Variants in RNF213 observed in about 807,000 individuals in gnomAD.
RNF213 encodes the protein E3 ubiquitin-protein ligase RNF213.
In RNF213, 341 loss-of-function variants were observed where a neutral mutation model predicts 514.4. The observed-to-expected ratio is 0.66, with a 90% CI of 0.61 to 0.73. The LOEUF (loss-of-function observed/expected upper bound fraction) is 0.73, where lower values mean the gene tolerates loss of function less well. RNF213 is among the 30% of genes least tolerant of loss of function. RNF213 has a pLI of 0.00. For synonymous variants in RNF213, 2,655 were observed against 2,658.2 expected, an observed-to-expected ratio of 1.00 and a Z score of 0.04; for missense variants, 5,767 against 6,615.6, an observed-to-expected ratio of 0.87 and a Z score of 4.45.
chr17:80,288,693 G>A lies in RNF213; in HGVS notation c.871G>A (p.Glu291Lys). The A allele has an allele frequency of 4.3e-6, 7 of 1,614,234 alleles. No homozygotes were observed. The highest frequency in any genetic ancestry group is 5.9e-6 in the Non-Finnish European group (7 of 1,180,042). The change falls in exon 5 of 68, where the codon GAG (glutamate) becomes AAG (lysine). Residue 291 changes from glutamate to lysine, a missense_variant. Glu to Lys is a moderately conservative substitution (Grantham distance 56). This residue lies in a region of RNF213 where 509 missense variants were observed against 496.7 expected (regional missense o/e 1.02). Coordinates refer to ENST00000582970, the MANE Select transcript of RNF213 (RefSeq NM_001256071.3). The surrounding 1 kb of genome is among the most constrained non-coding windows in gnomAD (Gnocchi z 4.9). Reference protein sequence around the residue: ...AVKGAGKEMKEKTQRMKQPPA... With the variant: ...AVKGAGKEMKKKTQRMKQPPA... ...TAAAGGGGCCGGGAAGGAAATGAAAGAGAAGACCCAGAGAATGAAACAGCC... is the reference window on the plus strand; with the variant it reads ...TAAAGGGGCCGGGAAGGAAATGAAAAAGAAGACCCAGAGAATGAAACAGCC...
At chr17:80,262,545 C>T (rs1461452183) in intron 1 of RNF213, among the ~76,000 whole-genome samples, 1 of 152,114 alleles carries the variant, frequency 6.6e-6, no homozygotes, top group Non-Finnish European at 1.5e-5. Flanking sequence ...TTCCTAGATC[C>T]CTCTAGGCAG....
At chr17:80,303,665 G>C (rs1001322369) in intron 11 of RNF213, among the ~76,000 whole-genome samples, 1 of 150,612 alleles carries the variant, frequency 6.6e-6, no homozygotes, top group African/African-American at 2.4e-5. Context: ...CCAGGTTCAA[G>C]TGATTCTTGT....
At chr17:80,355,651 TG>T (rs2078763044) in intron 36 of RNF213, among the ~76,000 whole-genome samples, 1 of 13,772 alleles carries the variant, frequency 7.3e-5, no homozygotes, top group Admixed American at 8.6e-4. Flanking sequence ...AGAAGCGGGG[TG>T]GACGGGAATG....
In RNF213 at chr17:80,346,601, G is replaced by A. The variant is rs949407428; in HGVS notation, c.8266G>A (p.Val2756Ile). 1 of 1,613,158 alleles carries A rather than the reference G, an allele frequency of 6.2e-7. No individual in the cohort carries two copies. Among genetic ancestry groups the A allele is most frequent in the Admixed American group, 1.7e-5 (1 of 59,992 alleles). ...CTTGAAGGAGAACGTCTTCATGATG[G>A]TCGTCTGCATCGAGCTGAAGATTCC... is the stretch of plus-strand genomic sequence containing the variant. ...LALKENVFMM[V>I]VCIELKIPLF... Residue 2756 changes from valine to isoleucine, a missense_variant, in exon 29 of 68, where the codon GTC becomes ATC. This residue lies in a region of RNF213 where 105 missense variants were observed against 183.9 expected (regional missense o/e 0.57). Coordinates refer to ENST00000582970, the MANE Select transcript of RNF213 (RefSeq NM_001256071.3). The surrounding 1 kb of genome is among the most constrained non-coding windows in gnomAD (Gnocchi z 8.1).
rs1450384021 is a variant in RNF213 at position 80,298,327 on chromosome 17, G to T, written c.2019G>T (p.Arg673=). 1 of 1,614,132 alleles carries T rather than the reference G, an allele frequency of 6.2e-7. No individual in the cohort carries two copies. Among genetic ancestry groups the T allele is most frequent in the Admixed American group, 1.7e-5 (1 of 60,012 alleles). The change falls in exon 11 of 68, where the codon CGG becomes CGT. Residue 673 remains arginine, a synonymous_variant. Coordinates refer to ENST00000582970, the MANE Select transcript of RNF213 (RefSeq NM_001256071.3). ...GATCTTTATTCCCTTCCAGCTGGCG[G>T]CTGTACCTGGTGAACCTGTGCCAAA... is the stretch of plus-strand genomic sequence containing the variant. The part of the protein sequence containing the change: ...SHILGIPQSW[R]LYLVNLCQRC...
intron 39 of RNF213, among the ~76,000 whole-genome samples, 170 bp from the exon 40 acceptor site, chr17:80,362,932 C>T (rs111591209): frequency 6.6e-6 from 1 of 152,150 alleles, no homozygotes. Context: ...GTGACCTTAA[C>T]GTGGGAGGAG....
Position 80,346,110 on chromosome 17 carries a change from T to G in RNF213, c.7775T>G (p.Leu2592Arg), listed in dbSNP as rs531994157. Residue 2592 changes from leucine to arginine, a missense_variant, in exon 29 of 68, where the codon CTC becomes CGC. By Grantham distance (102) the Leu-to-Arg change is moderately radical (BLOSUM62 -2). This residue lies in a region of RNF213 where 1,377 missense variants were observed against 1,635.2 expected (regional missense o/e 0.84). Coordinates refer to ENST00000582970, the MANE Select transcript of RNF213 (RefSeq NM_001256071.3). The surrounding 1 kb of genome is among the most constrained non-coding windows in gnomAD (Gnocchi z 8.1). ...FGQLSDVAEK[L>R]YIQQIVQRLV... Reference sequence around the variant, plus strand: ...CAACTGAGTGACGTTGCTGAAAAGCTCTACATCCAGCAGATTGTCCAGAGA... The same window carrying G: ...CAACTGAGTGACGTTGCTGAAAAGCGCTACATCCAGCAGATTGTCCAGAGA... 1 of 1,614,108 alleles carries G rather than the reference T, an allele frequency of 6.2e-7. No homozygotes were observed. The highest frequency in any genetic ancestry group is 2.2e-5 in the East Asian group (1 of 44,886).
chr17:80,354,278 C>A, intron 35 of RNF213, 112 bp downstream of exon 35: 2 of 1,500,462 alleles, frequency 1.3e-6, no homozygotes, highest in African/African-American at 2.7e-5. Context: ...CATGGCTCAG[C>A]AGAAGCAGTG....
In RNF213 at chr17:80,393,672, G is replaced by A. The variant is rs1012323874; in HGVS notation, c.*174G>A. On this transcript the variant is annotated 3_prime_UTR_variant, in exon 68 of 68. Coordinates refer to ENST00000582970, the MANE Select transcript of RNF213 (RefSeq NM_001256071.3). Reference sequence around the variant, plus strand: ...CTGAGCTGACAGCTTTTTGAAAGCCGAGCTGTTTCTGAACCATGTACATAC... The same window carrying A: ...CTGAGCTGACAGCTTTTTGAAAGCCAAGCTGTTTCTGAACCATGTACATAC... 2 of 641,434 alleles carry A rather than the reference G, an allele frequency of 3.1e-6. No individual in the cohort carries two copies. The highest frequency in any genetic ancestry group is 1.9e-5 in the South Asian group (1 of 53,162). The allele number at this position is 641,434 out of a possible 1,614,324, so 39.7% of individuals were successfully genotyped here. A position where few individuals can be genotyped will look rare whatever the true frequency, so the allele number is the denominator to read the frequency against.
intron 16 of RNF213, among the ~76,000 whole-genome samples, chr17:80,318,712 T>C (rs903780775): frequency 2.0e-5 from 3 of 152,112 alleles, no homozygotes; most frequent in African/African-American, 7.2e-5. Flanking sequence ...TAGCTGGGAC[T>C]ACAGGCGCCC....
rs1161216634 is a variant in RNF213 at position 80,397,585 on chromosome 17, G to C, written c.*4087G>C. The C allele has an allele frequency of 6.6e-6, 1 of 151,874 alleles. No homozygotes were observed. Among genetic ancestry groups the C allele is most frequent in the African/African-American group, 2.4e-5 (1 of 41,296 alleles). 9.4% of individuals were successfully genotyped at this position (151,874 alleles called of 1,614,324 possible). A position where few individuals can be genotyped will look rare whatever the true frequency, so the allele number is the denominator to read the frequency against. ...ACGGGTGCATGCAGCCCCCAGTCAC[G>C]TACCCCCTGCTTGCTCAATCAATCA... On this transcript the variant is annotated 3_prime_UTR_variant, in exon 68 of 68. Transcript: ENST00000582970.
intron 49 of RNF213, 93 bp downstream of exon 49, chr17:80,373,258 C>T: frequency 9.7e-7 from 1 of 1,028,188 alleles, no homozygotes; most frequent in Non-Finnish European, 1.4e-6. Flanking sequence ...CACCCTACCC[C>T]CCCCACACCC....
intron 3 of RNF213, among the ~76,000 whole-genome samples, chr17:80,276,606 C>G (rs1478122348): frequency 6.7e-6 from 1 of 149,308 alleles, no homozygotes; most frequent in Admixed American, 6.7e-5. Flanking sequence ...GATCCTTCCT[C>G]AAAGAGAGAG....
At position 80,349,797 on chromosome 17, in the gene RNF213, A is replaced by G. The variant is rs1189460028; in HGVS notation, c.9979A>G (p.Ser3327Gly). The G allele has an allele frequency of 2.5e-6, 4 of 1,614,014 alleles. No homozygotes were observed. The highest frequency in any genetic ancestry group is 4.5e-5 in the East Asian group (2 of 44,886). ...EITTFSRLLT[S>G]HDCEILESEV... The stretch of plus-strand genomic sequence containing the variant: ...CACCACTTTCTCCAGGCTGCTAACA[A>G]GTCACGACTGTGAAATTTTAGAATC... The change falls in exon 30 of 68, where the codon AGT (serine) becomes GGT (glycine). Residue 3327 changes from serine (S) to glycine (G), a missense_variant. By Grantham distance (56) the Ser-to-Gly change is moderately conservative. Coordinates refer to ENST00000582970, the MANE Select transcript of RNF213 (RefSeq NM_001256071.3).
At chr17:80,281,511 AC>A (rs1231909684) in intron 3 of RNF213, among the ~76,000 whole-genome samples, 3 of 70,372 alleles carry the variant, frequency 4.3e-5, no homozygotes, top group Admixed American at 1.8e-4. Flanking sequence ...TCACACACAC[AC>A]CCCAACACAC....
At position 80,263,196 on chromosome 17, in the gene RNF213, C is replaced by T. The variant is rs1386446663; in HGVS notation, c.-108-378C>T. ...CCCCCATTACTAGGAATCTGACTGC[C>T]AGCCCAGTAGCCCTGGGCTGCCTGC... is the stretch of plus-strand genomic sequence containing the variant. On this transcript the variant is annotated intron_variant, in intron 1 of 67. Coordinates refer to ENST00000582970, the MANE Select transcript of RNF213 (RefSeq NM_001256071.3). The surrounding 1 kb of genome is among the most constrained non-coding windows in gnomAD (Gnocchi z 4.9). Among the ~76,000 whole-genome samples the T allele has an allele frequency of 6.6e-6, 1 of 152,182 alleles. No homozygotes were observed. Among genetic ancestry groups the T allele is most frequent in the Non-Finnish European group, 1.5e-5 (1 of 68,022 alleles).
chr17:80,323,959 G>T (rs980349924), intron 17 of RNF213, among the ~76,000 whole-genome samples: 5 of 151,946 alleles, frequency 3.3e-5, no homozygotes, highest in Non-Finnish European at 7.4e-5. Context: ...AGCTCATTTG[G>T]TAGCTCAAAT....
At chr17:80,273,554 C>T in intron 3 of RNF213, 150 bp downstream of exon 3, 1 of 968,232 alleles carries the variant, frequency 1.0e-6, no homozygotes, top group South Asian at 1.4e-5. Flanking sequence ...GCCCCTTCTG[C>T]ACCTGATTCA....
intron 51 of RNF213, 36 bp downstream of exon 51, chr17:80,375,906 C>T: frequency 5.8e-6 from 8 of 1,389,922 alleles, no homozygotes; most frequent in Non-Finnish European, 8.2e-6. Context: ...TTCAAAGTCT[C>T]AGTATTTGGA....
Sources: allele counts gnomAD v4.1 joint callset (sites outside exome capture counted in the v4.1 genomes callset), GRCh38; gene constraint gnomAD v4.1.1; regional missense constraint gnomAD v4.1.1; non-coding constraint Gnocchi (gnomAD v3.1); transcripts MANE v1.5; gene names NCBI Gene and HGNC (gene_info 2026-07-23, HGNC 2026-07-21).